RNF180: variants seen among roughly 807,000 people sequenced by gnomAD.
The protein encoded by RNF180 is ring finger protein 180.
A neutral mutation model predicts 59.2 loss-of-function variants in RNF180; 38 were observed. That is an observed-to-expected ratio of 0.64 (90% confidence interval 0.50 to 0.84). The LOEUF (loss-of-function observed/expected upper bound fraction) is 0.84, where lower values mean the gene tolerates loss of function less well. Ranked by LOEUF, RNF180 falls within the 40% of genes least tolerant of loss-of-function variation. The pLI is 0.00. For missense variants in RNF180, 705 were observed against 700.9 expected (o/e 1.01, Z -0.07); for synonymous variants, 262 against 240.3 (o/e 1.09, Z -0.84).
At chr5:64,252,642 A>G (rs1275899180) in intron 5 of RNF180, among the ~76,000 whole-genome samples, 1 of 152,176 alleles carries the variant, frequency 6.6e-6, no homozygotes, top group Non-Finnish European at 1.5e-5. Flanking sequence ...TTAAGTATAC[A>G]GATGGATGGG....
At chr5:64,238,952 A>C (rs1246842681) in intron 5 of RNF180, among the ~76,000 whole-genome samples, 3 of 152,092 alleles carry the variant, frequency 2.0e-5, no homozygotes, top group Non-Finnish European at 4.4e-5. Context: ...TCATTTCATC[A>C]CTCTGAGATA....
chr5:64,215,759 T>C (rs915661637), intron 4 of RNF180, among the ~76,000 whole-genome samples: 4 of 152,258 alleles, frequency 2.6e-5, no homozygotes, highest in African/African-American at 9.6e-5. Context: ...ATTTTCAAAA[T>C]GATTAATGTA....
At chr5:64,342,995 GTC>G (rs1561272451) in intron 7 of RNF180, among the ~76,000 whole-genome samples, 1 of 152,130 alleles carries the variant, frequency 6.6e-6, no homozygotes, top group Non-Finnish European at 1.5e-5. Context: ...GAGGGGATGA[GTC>G]TCTCACTCTG....
At chr5:64,227,840 C>T (rs1331336313) in intron 5 of RNF180, among the ~76,000 whole-genome samples, 2 of 152,172 alleles carry the variant, frequency 1.3e-5, no homozygotes, top group Non-Finnish European at 2.9e-5. Context: ...TAAATCTGCA[C>T]ATTTGGTTTT....
At chr5:64,273,157 C>G (rs1392095647) in intron 5 of RNF180, among the ~76,000 whole-genome samples, 1 of 151,872 alleles carries the variant, frequency 6.6e-6, no homozygotes, top group Non-Finnish European at 1.5e-5. Context: ...AAAACACTCT[C>G]ACCAGCACCA....
chr5:64,258,256 C>T (rs1276199384), intron 5 of RNF180, among the ~76,000 whole-genome samples: 1 of 151,988 alleles, frequency 6.6e-6, no homozygotes, highest in Non-Finnish European at 1.5e-5. Flanking sequence ...AACTAAAAGA[C>T]CATTTTGTGC....
chr5:64,355,424 A>T (rs1368628202), intron 7 of RNF180, among the ~76,000 whole-genome samples: 2 of 151,956 alleles, frequency 1.3e-5, no homozygotes, highest in East Asian at 3.9e-4. Flanking sequence ...AGAAGATCCA[A>T]ATAAATAGAC....
intron 5 of RNF180, among the ~76,000 whole-genome samples, chr5:64,295,474 T>G (rs1398895088): frequency 6.6e-6 from 1 of 152,180 alleles, no homozygotes; most frequent in African/African-American, 2.4e-5. Flanking sequence ...CCTTCAGTGG[T>G]CTGTAGCTCA....
At chr5:64,291,283 T>A (rs1483997089) in intron 5 of RNF180, among the ~76,000 whole-genome samples, 1 of 152,096 alleles carries the variant, frequency 6.6e-6, no homozygotes, top group Non-Finnish European at 1.5e-5. Context: ...CAACCTTAGA[T>A]AATCTGATGA....
chr5:64,306,145 G>A (rs917281932), intron 5 of RNF180, among the ~76,000 whole-genome samples: 1 of 151,636 alleles, frequency 6.6e-6, no homozygotes, highest in Non-Finnish European at 1.5e-5. Flanking sequence ...TTTGAAAAGA[G>A]CTAAGCTAAA....
intron 4 of RNF180, among the ~76,000 whole-genome samples, chr5:64,214,898 A>C (rs1435945288): frequency 6.6e-6 from 1 of 152,070 alleles, no homozygotes; most frequent in South Asian, 2.1e-4. Flanking sequence ...GGGTTGAAAA[A>C]ATGTTTCAGT....
intron 1 of RNF180, among the ~76,000 whole-genome samples, chr5:64,195,624 C>A (rs2112027875): frequency 6.6e-6 from 1 of 152,306 alleles, no homozygotes; most frequent in African/African-American, 2.4e-5. Context: ...TTGCCTATGG[C>A]ATATTTCTGG....
At chr5:64,355,434 C>T (rs1745978072) in intron 7 of RNF180, among the ~76,000 whole-genome samples, 1 of 151,884 alleles carries the variant, frequency 6.6e-6, no homozygotes, top group East Asian at 1.9e-4. Context: ...AATAAATAGA[C>T]ATCCTGTGTT....
chr5:64,336,305 T>G (rs1745121862), intron 7 of RNF180, among the ~76,000 whole-genome samples: 1 of 152,196 alleles, frequency 6.6e-6, no homozygotes, highest in African/African-American at 2.4e-5. Context: ...GCCCTTTAGA[T>G]CCATCCAAGT....
At chr5:64,184,294 C>G (rs1045765928) in intron 1 of RNF180, among the ~76,000 whole-genome samples, 2 of 152,120 alleles carry the variant, frequency 1.3e-5, no homozygotes, top group African/African-American at 2.4e-5. Context: ...ATACCGTTGT[C>G]CTGTTTTTAG....
intron 5 of RNF180, among the ~76,000 whole-genome samples, chr5:64,260,246 G>T (rs1744251066): frequency 6.6e-6 from 1 of 151,998 alleles, no homozygotes; most frequent in African/African-American, 2.4e-5. Flanking sequence ...AGTTTTTCTA[G>T]GTCTGTGATT....
At chr5:64,229,621 A>G (rs1271209824) in intron 5 of RNF180, among the ~76,000 whole-genome samples, 2 of 152,232 alleles carry the variant, frequency 1.3e-5, no homozygotes, top group African/African-American at 4.8e-5. Flanking sequence ...ATGTTTGTCC[A>G]GAGGGAATAA....
intron 5 of RNF180, among the ~76,000 whole-genome samples, chr5:64,319,616 C>T (rs973627259): frequency 1.3e-5 from 2 of 152,160 alleles, no homozygotes; most frequent in African/African-American, 4.8e-5. Flanking sequence ...AAGTCTAGAG[C>T]TTTCCTACTC....
chr5:64,344,907 A>G (rs1472224400), intron 7 of RNF180, among the ~76,000 whole-genome samples: 1 of 151,810 alleles, frequency 6.6e-6, no homozygotes, highest in African/African-American at 2.4e-5. Context: ...ATTTATATGG[A>G]TCCCAAGATG....
Sources: gnomAD v4.1 joint callset for allele counts (sites outside exome capture counted in the v4.1 genomes callset) on GRCh38, gnomAD v4.1.1 for gene constraint, MANE v1.5 for transcripts, NCBI Gene and HGNC (gene_info 2026-07-23, HGNC 2026-07-21) for gene names.